NAV2: variants seen among roughly 807,000 people sequenced by gnomAD.
NAV2 encodes the protein helicase, APC down-regulated 1.
NAV2 carries 54 observed loss-of-function variants against 223.2 expected under a neutral mutation model. That is an observed-to-expected ratio of 0.24 (90% CI 0.19 to 0.30). The LOEUF (loss-of-function observed/expected upper bound fraction) is 0.30. Ranked by LOEUF, NAV2 falls within the 10% of genes least tolerant of loss-of-function variation. NAV2 has a pLI of 1.00. For synonymous variants in NAV2, 1,279 were observed against 1,239.3 expected, an observed-to-expected ratio of 1.03 and a Z score of -0.67; for missense variants, 2,806 against 3,147.5, an observed-to-expected ratio of 0.89 and a Z score of 2.60.
intron 1 of NAV2, among the ~76,000 whole-genome samples, chr11:19,688,984 G>A (rs775229290): frequency 1.3e-5 from 2 of 152,160 alleles, no homozygotes; most frequent in African/African-American, 2.4e-5. Flanking sequence ...GAGAGTAGAG[G>A]AGGAAGGCTG....
Position 19,842,895 on chromosome 11 carries a change from A to G in NAV2, c.410A>G (p.Asn137Ser). ...GCAAATGAAAAGATTGAAGACATCA[A>G]TGGCTGTCCGAAGAACAGATCCCAA... ...VVANEKIEDI[N>S]GCPKNRSQMI... Residue 137 changes from asparagine (N) to serine (S), a missense_variant, in exon 3 of 38, where the codon AAT becomes AGT. By Grantham distance (46) the Asn-to-Ser change is conservative. Transcript: ENST00000349880. 1 of 1,614,064 alleles carries G rather than the reference A, an allele frequency of 6.2e-7. No individual in the cohort carries two copies. Among genetic ancestry groups the G allele is most frequent in the Middle Eastern group, 1.6e-4 (1 of 6,062 alleles).
At chr11:19,506,286 GC>G (rs2043121420) in intron 1 of NAV2, 1 of 152,254 alleles carries the variant, frequency 6.6e-6, no homozygotes, top group African/African-American at 2.4e-5. Context: ...GCTAGGAAGG[GC>G]CCATACTCCA....
At chr11:19,534,243 G>A (rs1193087520) in intron 1 of NAV2, among the ~76,000 whole-genome samples, 2 of 152,038 alleles carry the variant, frequency 1.3e-5, no homozygotes, top group Admixed American at 6.6e-5. Flanking sequence ...TTTGTTTATT[G>A]CTTGTCTCCC....
intron 19 of NAV2, among the ~76,000 whole-genome samples, chr11:20,060,841 A>C (rs2058658769): frequency 6.6e-6 from 1 of 152,380 alleles, no homozygotes; most frequent in South Asian, 2.1e-4. Context: ...TTCATAGTGT[A>C]ACAAGAACAT....
chr11:19,520,147 C>T (rs1179570481), intron 1 of NAV2, among the ~76,000 whole-genome samples: 6 of 152,190 alleles, frequency 3.9e-5, no homozygotes, highest in South Asian at 2.1e-4. Flanking sequence ...CTCTCCTCCA[C>T]GCTCAGGCAG....
chr11:19,920,030 G>A (rs999077019), intron 6 of NAV2, among the ~76,000 whole-genome samples: 20 of 152,124 alleles, frequency 1.3e-4, no homozygotes, highest in Admixed American at 1.2e-3. Flanking sequence ...AGTTACATGG[G>A]AGGCTGAGGC....
chr11:19,595,612 T>C (rs2046184648), intron 1 of NAV2, among the ~76,000 whole-genome samples: 1 of 151,810 alleles, frequency 6.6e-6, no homozygotes, highest in Non-Finnish European at 1.5e-5. Flanking sequence ...TGGAGTGCAA[T>C]GGCACGATCA....
chr11:19,524,719 G>C (rs7941416), intron 1 of NAV2, among the ~76,000 whole-genome samples: 1 of 152,072 alleles, frequency 6.6e-6, no homozygotes, highest in African/African-American at 2.4e-5. Flanking sequence ...CTTTTTTTAA[G>C]ATATTAATTT....
In NAV2 at chr11:20,106,161, A is replaced by G. The variant is rs1022767479; in HGVS notation, c.6841+434A>G. On this transcript the variant is annotated intron_variant, in intron 35 of 37. Transcript: ENST00000349880. ...TGTTCATATGTGTGTGTGTGTATAT[A>G]TATATATATATATATGTGTGTGTAT... is the stretch of plus-strand genomic sequence containing the variant. 1.0e-3 allele frequency among the ~76,000 whole-genome samples: 11 copies of G among 10,650 alleles called. No individual in the cohort carries two copies. The East Asian group carries it at 0.073, about 70-fold the overall frequency. The allele number at this position is 10,650 out of a possible 152,430, so 7.0% of individuals were successfully genotyped here. A position where few individuals can be genotyped will look rare whatever the true frequency, so the allele number is the denominator to read the frequency against.
upstream of NAV2, chr11:19,712,215 T>C (rs763060992): frequency 1.3e-5 from 2 of 152,214 alleles, no homozygotes; most frequent in Non-Finnish European, 2.9e-5. Context: ...TTACAGAGTC[T>C]GTGGTAGGTT....
rs540958440 is a variant in NAV2 at position 19,989,793 on chromosome 11, GT to G, written c.2768+5548del. On this transcript the variant is annotated intron_variant, in intron 11 of 37. Coordinates refer to ENST00000349880, the MANE Select transcript of NAV2 (RefSeq NM_145117.5). ...GAGAGGGTGAGTAAACGTGCCCAGG[GT>G]TACACACCTAATGAGTGTCCAAGCT... Among the ~76,000 whole-genome samples, 177 of 152,170 alleles carry G rather than the reference GT, an allele frequency of 1.2e-3. 1 individual carries two copies. Among genetic ancestry groups the G allele is most frequent in the African/African-American group, 3.9e-3 (161 of 41,504 alleles).
In NAV2 at chr11:19,999,947, G is replaced by A. The variant is rs143514602; in HGVS notation, c.2768+15700G>A. ...AGTCTAAGATACCTAAATCGGCCAG[G>A]ATATACATGTGGGTCCTCTCAGCCC... is the stretch of plus-strand genomic sequence containing the variant. On this transcript the variant is annotated intron_variant, in intron 11 of 37. Coordinates refer to ENST00000349880, the MANE Select transcript of NAV2 (RefSeq NM_145117.5). Among the ~76,000 whole-genome samples, 94 of 152,314 alleles carry A rather than the reference G, an allele frequency of 6.2e-4. No homozygotes were observed. In the East Asian group the frequency reaches 0.016, roughly 27 times the overall value.
At position 19,990,304 on chromosome 11, in the gene NAV2, G is replaced by A. The variant is rs143594842; in HGVS notation, c.2768+6057G>A. ...GGAGCCTGCAATGTCAAGATCACAG[G>A]TCAGGGGTGATGCTTCCCTTTAGTG... On this transcript the variant is annotated intron_variant, in intron 11 of 37. Coordinates refer to ENST00000349880, the MANE Select transcript of NAV2 (RefSeq NM_145117.5). Among the ~76,000 whole-genome samples the A allele has an allele frequency of 6.0e-4, 92 of 152,300 alleles. 1 individual carries two copies. Among genetic ancestry groups the A allele is most frequent in the South Asian group, 6.2e-4 (3 of 4,822 alleles).
chr11:19,658,848 T>C (rs1175495037), intron 1 of NAV2, among the ~76,000 whole-genome samples: 2 of 152,188 alleles, frequency 1.3e-5, no homozygotes, highest in African/African-American at 4.8e-5. Context: ...CATGACTGAT[T>C]AGATTTAAGC....
At chr11:20,112,680 T>C (rs2062737855) in intron 36 of NAV2, among the ~76,000 whole-genome samples, 1 of 152,062 alleles carries the variant, frequency 6.6e-6, no homozygotes, top group Non-Finnish European at 1.5e-5. Context: ...CAAGGTGGTG[T>C]CAGTCAGGAG....
chr11:19,862,835 A>G (rs2061871676), intron 3 of NAV2, among the ~76,000 whole-genome samples: 1 of 152,194 alleles, frequency 6.6e-6, no homozygotes. Context: ...GAGGAAAGAG[A>G]CAGATAACAC....
chr11:19,783,285 C>T (rs1471342755), intron 1 of NAV2, among the ~76,000 whole-genome samples: 2 of 152,176 alleles, frequency 1.3e-5, no homozygotes, highest in East Asian at 3.9e-4. Context: ...TGGATGAAGT[C>T]CAACTCCTTT....
chr11:19,855,645 C>T (rs988492022), intron 3 of NAV2, among the ~76,000 whole-genome samples: 1 of 152,168 alleles, frequency 6.6e-6, no homozygotes, highest in Non-Finnish European at 1.5e-5. Flanking sequence ...CGGGTTTCCA[C>T]TGAGGGACTA....
chr11:19,814,890 C>T (rs759699410), intron 1 of NAV2, among the ~76,000 whole-genome samples: 1 of 152,174 alleles, frequency 6.6e-6, no homozygotes, highest in African/African-American at 2.4e-5. Context: ...CCTTCTCCCC[C>T]ACCTATCTAA....
Sources: gnomAD v4.1 joint callset for allele counts (sites outside exome capture counted in the v4.1 genomes callset) on GRCh38, gnomAD v4.1.1 for gene constraint, MANE v1.5 for transcripts, NCBI Gene and HGNC (gene_info 2026-07-23, HGNC 2026-07-21) for gene names.